Variants in MTA3 observed in about 807,000 individuals in gnomAD.
MTA3 encodes the protein metastasis associated 1 family member 3, also known as metastasis-associated protein MTA3.
A neutral mutation model predicts 83.5 loss-of-function variants in MTA3; 34 were observed. That is an observed-to-expected ratio of 0.41 (90% CI 0.31 to 0.54). The LOEUF (loss-of-function observed/expected upper bound fraction) is 0.54. Among genes scored for constraint, MTA3 ranks in the 20% least tolerant of loss-of-function variants. The pLI, the probability that MTA3 is intolerant of heterozygous loss-of-function variation, is 0.33. For missense variants in MTA3, 761 were observed against 726.4 expected, an observed-to-expected ratio of 1.05 and a Z score of -0.55; for synonymous variants, 303 against 252.7, an observed-to-expected ratio of 1.20 and a Z score of -1.89.
chr2:42,508,836 A>G (rs1674764372), intron 2 of MTA3, among the ~76,000 whole-genome samples: 1 of 146,812 alleles, frequency 6.8e-6, no homozygotes, highest in African/African-American at 2.5e-5. Flanking sequence ...GATATATAAT[A>G]TTAAATATAT....
At chr2:42,638,329 C>A (rs1411628080) in intron 4 of MTA3, among the ~76,000 whole-genome samples, 1 of 151,958 alleles carries the variant, frequency 6.6e-6, no homozygotes, top group Non-Finnish European at 1.5e-5. Context: ...CTAACGGCAG[C>A]AGAGCAATTT....
chr2:42,711,711 T>A (rs1666623194), intron 14 of MTA3, among the ~76,000 whole-genome samples: 1 of 151,878 alleles, frequency 6.6e-6, no homozygotes, highest in African/African-American at 2.4e-5. Flanking sequence ...TTAGGGAGAT[T>A]AGGTATTAAT....
intron 16 of MTA3, among the ~76,000 whole-genome samples, chr2:42,727,168 A>T (rs1667887421): frequency 6.6e-6 from 1 of 152,240 alleles, no homozygotes; most frequent in Non-Finnish European, 1.5e-5. Context: ...ACTGTACTCT[A>T]GCCTGGGTTA....
chr2:42,750,640 G>C (rs1424257944), intron 16 of MTA3, among the ~76,000 whole-genome samples: 1 of 152,172 alleles, frequency 6.6e-6, no homozygotes, highest in Non-Finnish European at 1.5e-5. Flanking sequence ...GAGGATAAAT[G>C]TTTGTTACCT....
At chr2:42,590,826 G>A (rs1301239766) in intron 3 of MTA3, among the ~76,000 whole-genome samples, 1 of 151,974 alleles carries the variant, frequency 6.6e-6, no homozygotes, top group Non-Finnish European at 1.5e-5. Flanking sequence ...TCACCACATT[G>A]GCCCGACTGC....
At position 42,568,766 on chromosome 2, in the gene MTA3, G is replaced by A; in HGVS notation, c.21G>A (p.Arg7=). The A allele has an allele frequency of 8.2e-7, 1 of 1,219,416 alleles. No homozygotes were observed. Among genetic ancestry groups the A allele is most frequent in the South Asian group, 4.1e-5 (1 of 24,296 alleles). The allele number at this position is 1,219,416 out of a possible 1,614,324, so 75.5% of individuals were successfully genotyped here. The change falls in exon 1 of 17, where the codon CGG becomes CGA. Residue 7 remains arginine (R), a synonymous_variant. Transcript: ENST00000405094. ...CGGACATGGCGGCCAACATGTACCGGGTCGGAGGTAGGCAGGCTCGGCCCG... is the reference window on the plus strand; with the variant it reads ...CGGACATGGCGGCCAACATGTACCGAGTCGGAGGTAGGCAGGCTCGGCCCG... MAANMY[R]VGDYVYFENS...
chr2:42,611,116 G>T (rs776827577), intron 4 of MTA3, among the ~76,000 whole-genome samples: 1 of 151,634 alleles, frequency 6.6e-6, no homozygotes, highest in Non-Finnish European at 1.5e-5. Flanking sequence ...CGAGTAGCTG[G>T]GATTACAGGC....
intron 14 of MTA3, among the ~76,000 whole-genome samples, chr2:42,713,865 C>T (rs1666823621): frequency 6.6e-6 from 1 of 152,086 alleles, no homozygotes; most frequent in East Asian, 1.9e-4. Flanking sequence ...AATAATGTTG[C>T]AACAAATATC....
At chr2:42,620,294 T>A (rs1685390346) in intron 4 of MTA3, among the ~76,000 whole-genome samples, 1 of 152,058 alleles carries the variant, frequency 6.6e-6, no homozygotes, top group Non-Finnish European at 1.5e-5. Flanking sequence ...TATTTTTGTA[T>A]TTTTAATAGA....
intron 2 of MTA3, among the ~76,000 whole-genome samples, chr2:42,548,041 C>T (rs1000064851): frequency 2.0e-5 from 3 of 152,192 alleles, no homozygotes; most frequent in Admixed American, 1.3e-4. Flanking sequence ...CCCTGTGGTC[C>T]TGATGGTCAG....
At position 42,646,894 on chromosome 2, in the gene MTA3, C is replaced by T. The variant is rs183463325; in HGVS notation, c.499+2650C>T. On this transcript the variant is annotated intron_variant, in intron 6 of 16. Transcript: ENST00000405094. ...TCTACTGGCTGAGCACGGTGGCACACGCCTGTAATCCCAGCACTTTGGGAG... is the reference window on the plus strand; with the variant it reads ...TCTACTGGCTGAGCACGGTGGCACATGCCTGTAATCCCAGCACTTTGGGAG... Among the ~76,000 whole-genome samples the T allele has an allele frequency of 2.2e-4, 34 of 152,200 alleles. No homozygotes were observed. In the South Asian group the frequency reaches 3.9e-3, roughly 18 times the overall value.
chr2:42,687,986 A>G (rs1159782767), intron 9 of MTA3, among the ~76,000 whole-genome samples: 1 of 152,258 alleles, frequency 6.6e-6, no homozygotes, highest in Non-Finnish European at 1.5e-5. Context: ...CGCTACTGAC[A>G]AGGGTTTTTC....
intron 8 of MTA3, among the ~76,000 whole-genome samples, chr2:42,667,690 A>G (rs1050720143): frequency 6.7e-6 from 1 of 150,094 alleles, no homozygotes; most frequent in South Asian, 2.1e-4. Context: ...CCTGGAATGC[A>G]GTGGCGTGAT....
intron 4 of MTA3, among the ~76,000 whole-genome samples, chr2:42,636,591 A>G: frequency 6.6e-6 from 1 of 151,434 alleles, no homozygotes; most frequent in East Asian, 1.9e-4. Flanking sequence ...GCAGGGGGTA[A>G]ATGATCACTA....
At chr2:42,649,008 G>T (rs564683730) in intron 6 of MTA3, among the ~76,000 whole-genome samples, 47 of 152,196 alleles carry the variant, frequency 3.1e-4, no homozygotes, top group Middle Eastern at 3.4e-3. Flanking sequence ...TTATATCGTT[G>T]CGATGAGCAA....
chr2:42,684,868 C>G (rs1420855324), intron 9 of MTA3, among the ~76,000 whole-genome samples: 1 of 152,158 alleles, frequency 6.6e-6, no homozygotes, highest in Non-Finnish European at 1.5e-5. Flanking sequence ...GGAATTAGTT[C>G]ACAGTTAAAA....
chr2:42,630,921 A>G (rs746633569), intron 4 of MTA3, among the ~76,000 whole-genome samples: 1 of 152,310 alleles, frequency 6.6e-6, no homozygotes, highest in East Asian at 1.9e-4. Context: ...ACAAGTTTTT[A>G]TGGATATGTT....
intron 14 of MTA3, among the ~76,000 whole-genome samples, chr2:42,711,224 G>T (rs1666583356): frequency 6.6e-6 from 1 of 152,174 alleles, no homozygotes; most frequent in Non-Finnish European, 1.5e-5. Context: ...GGCTGCTGAG[G>T]AAACTCTGTT....
chr2:42,664,817 A>G (rs189914186), intron 8 of MTA3, among the ~76,000 whole-genome samples: 200 of 152,244 alleles, frequency 1.3e-3, no homozygotes, highest in East Asian at 2.5e-3. Flanking sequence ...GAGGACTTCA[A>G]TGGGCTGTCA....
Sources: allele counts gnomAD v4.1 joint callset (sites outside exome capture counted in the v4.1 genomes callset), GRCh38; gene constraint gnomAD v4.1.1; transcripts MANE v1.5; gene names NCBI Gene and HGNC (gene_info 2026-07-23, HGNC 2026-07-21).